AKAP17A: variants seen among roughly 807,000 people sequenced by gnomAD.
AKAP17A encodes the protein A-kinase anchor protein 17A.
A neutral mutation model predicts 52.2 loss-of-function variants in AKAP17A; 15 were observed. The ratio of observed to expected loss-of-function variants is 0.29; its 90% CI spans 0.19 to 0.44. The LOEUF is 0.44. Among genes scored for constraint, AKAP17A ranks in the 20% least tolerant of loss-of-function variants. AKAP17A has a pLI of 1.00. For missense variants in AKAP17A, 1,060 were observed against 1,007.0 expected (o/e 1.05, Z -0.71); for synonymous variants, 514 against 424.7 (o/e 1.21, Z -2.58).
Position 1,600,152 on chromosome X carries a change from C to T in AKAP17A, c.1153-507C>T, listed in dbSNP as rs1472248106. The T allele has an allele frequency of 1.2e-5, 15 of 1,303,008 alleles. No individual in the cohort carries two copies. In the East Asian group the frequency reaches 2.7e-4, roughly 23 times the overall value. 80.7% of individuals were successfully genotyped at this position (1,303,008 alleles called of 1,614,324 possible). On this transcript the variant is annotated intron_variant, in intron 4 of 4. Transcript: ENST00000313871. ...TCTGATTACAGTTGTGATAAGTCCC[C>T]GGGAAGGAGCATGACAAGAGGCTGA...
chrX:1,595,799 G>A (rs1238838956), intron 3 of AKAP17A, among the ~76,000 whole-genome samples: 2 of 152,122 alleles, frequency 1.3e-5, no homozygotes, highest in Admixed American at 1.3e-4. Context: ...GAGCTCGTGT[G>A]TGTACCTGTG....
In AKAP17A at chrX:1,602,486, A is replaced by G. The variant is rs1933443172; in HGVS notation, c.*892A>G. 6.6e-6 allele frequency: 1 copy of G among 152,202 alleles called. No individual in the cohort carries two copies. 9.4% of individuals were successfully genotyped at this position (152,202 alleles called of 1,614,324 possible). A position where few individuals can be genotyped will look rare whatever the true frequency, so the allele number is the denominator to read the frequency against. On this transcript the variant is annotated 3_prime_UTR_variant, in exon 5 of 5. Transcript: ENST00000313871. Reference sequence around the variant, plus strand: ...GGTGTTTATTCCAGTTTGCATTTTTATGGTGAAATAAAATCCTTTTCCAAT... The same window carrying G: ...GGTGTTTATTCCAGTTTGCATTTTTGTGGTGAAATAAAATCCTTTTCCAAT...
At chrX:1,596,501 C>T (rs1932991236) in intron 3 of AKAP17A, among the ~76,000 whole-genome samples, 1 of 136,806 alleles carries the variant, frequency 7.3e-6, no homozygotes, top group African/African-American at 2.9e-5. Context: ...TCCTCCATCC[C>T]TCCCACCCTC....
chrX:1,601,960 T>A lies in AKAP17A; in HGVS notation c.*366T>A. The A allele has an allele frequency of 1.3e-5, 3 of 232,540 alleles. No homozygotes were observed. The highest frequency in any genetic ancestry group is 2.5e-5 in the Non-Finnish European group (3 of 120,088). The allele number at this position is 232,540 out of a possible 1,614,324, so 14.4% of individuals were successfully genotyped here. ...TTCTGTGTCTGCTTGGCGACCTCCC[T>A]GCGTGCACGGCCTAGGAGGTGCACG... On this transcript the variant is annotated 3_prime_UTR_variant, in exon 5 of 5. Coordinates refer to ENST00000313871, the MANE Select transcript of AKAP17A (RefSeq NM_005088.3).
chrX:1,599,329 A>G lies in AKAP17A; in HGVS notation c.1049A>G (p.Lys350Arg). 6.2e-7 allele frequency: 1 copy of G among 1,604,780 alleles called. No homozygotes were observed. The highest frequency in any genetic ancestry group is 8.5e-7 in the Non-Finnish European group (1 of 1,176,404). The change falls in exon 4 of 5, where the codon AAG becomes AGG. Residue 350 changes from lysine (K) to arginine (R), a missense_variant. Physicochemically the swap from Lys to Arg is conservative, Grantham distance 26. Around this residue, in one of 2 missense-constraint regions of AKAP17A, gnomAD observed 793 missense variants for 629.9 expected, o/e 1.26. Transcript: ENST00000313871. ...GAGAAGCTGCAGGCGGAGGAGCAGA[A>G]GCAGCTGCAGGAGAAGATCAAGCTG... ...KLEKLQAEEQ[K>R]QLQEKIKLEE...
chrX:1,601,498 G>A lies in AKAP17A; in HGVS notation c.1992G>A (p.Arg664=). The change falls in exon 5 of 5, where the codon AGG becomes AGA. Residue 664 remains arginine, a synonymous_variant. Transcript: ENST00000313871. The part of the protein sequence containing the change: ...RHRRERSRER[R]GSASRKHSRH... Reference sequence around the variant, plus strand: ...GGAGGGAGCGGAGCCGGGAGCGGAGGGGCAGCGCCAGCAGGAAGCACAGCC... The same window carrying A: ...GGAGGGAGCGGAGCCGGGAGCGGAGAGGCAGCGCCAGCAGGAAGCACAGCC... The A allele has an allele frequency of 6.5e-7, 1 of 1,538,200 alleles. No homozygotes were observed. The highest frequency in any genetic ancestry group is 2.3e-5 in the East Asian group (1 of 43,584).
intron 4 of AKAP17A, chrX:1,599,954 A>G: frequency 2.1e-6 from 1 of 477,850 alleles, no homozygotes. Flanking sequence ...CCCCCTCAGC[A>G]CCAAGAGCCT....
intron 3 of AKAP17A, among the ~76,000 whole-genome samples, chrX:1,597,425 C>G (rs1185699060): frequency 6.6e-6 from 1 of 152,138 alleles, no homozygotes; most frequent in African/African-American, 2.4e-5. Flanking sequence ...GAGGGACATG[C>G]TGCTGCGTCG....
chrX:1,593,011 G>A (rs148452305), intron 1 of AKAP17A, among the ~76,000 whole-genome samples: 2,095 of 152,236 alleles, frequency 0.014, 52 homozygotes, highest in African/African-American at 0.048. Flanking sequence ...GATGCCTGCA[G>A]CTGTGCTCTC....
chrX:1,600,787 G>A lies in AKAP17A; in HGVS notation c.1281G>A (p.Leu427=), dbSNP rs1933320636. The A allele has an allele frequency of 1.3e-6, 2 of 1,583,222 alleles. No homozygotes were observed. The highest frequency in any genetic ancestry group is 1.7e-6 in the Non-Finnish European group (2 of 1,169,538). The change falls in exon 5 of 5, where the codon CTG becomes CTA. Residue 427 remains leucine (L), a synonymous_variant. Coordinates refer to ENST00000313871, the MANE Select transcript of AKAP17A (RefSeq NM_005088.3). Reference sequence around the variant, plus strand: ...AGGAGAAGGAGCGCGCGCTGGGCCTGCAGCGGAAAGAGCGGGAGCTGCGCG... The same window carrying A: ...AGGAGAAGGAGCGCGCGCTGGGCCTACAGCGGAAAGAGCGGGAGCTGCGCG... ...VEEEKERALG[L]QRKERELRER...
rs1298110241 is a variant in AKAP17A at position 1,599,283 on chromosome X, C to T, written c.1003C>T (p.Arg335Cys). 16 of 1,611,848 alleles carry T rather than the reference C, an allele frequency of 9.9e-6. No homozygotes were observed. The highest frequency in any genetic ancestry group is 4.0e-4 in the Middle Eastern group (2 of 5,046). Reference sequence around the variant, plus strand: ...GCAGAAGCAGAGGGACCGTGAGCTGCGCCGGAATCAGAAGAAGCTGGAGAA... The same window carrying T: ...GCAGAAGCAGAGGGACCGTGAGCTGTGCCGGAATCAGAAGAAGCTGGAGAA... Reference protein sequence around the residue: ...REQKQRDRELRRNQKKLEKLQ... With the variant: ...REQKQRDRELCRNQKKLEKLQ... Residue 335 changes from arginine to cysteine, a missense_variant, in exon 4 of 5, where the codon CGC becomes TGC. Arg to Cys is a radical substitution (Grantham distance 180). Transcript: ENST00000313871.
rs754913132 is a variant in AKAP17A, at chrX:1,600,761, G to A, written c.1255G>A (p.Glu419Lys). The A allele has an allele frequency of 4.5e-6, 7 of 1,564,648 alleles. No individual in the cohort carries two copies. In the Admixed American group the frequency reaches 1.3e-4, roughly 30 times the overall value. Residue 419 changes from glutamate to lysine, a missense_variant, in exon 5 of 5, where the codon GAG becomes AAG. Physicochemically the swap from Glu to Lys is moderately conservative, Grantham distance 56. Coordinates refer to ENST00000313871, the MANE Select transcript of AKAP17A (RefSeq NM_005088.3). ...GGAGGCCGAGCTGCGGCGCGTGGAG[G>A]AGGAGAAGGAGCGCGCGCTGGGCCT... is the stretch of plus-strand genomic sequence containing the variant. Reference protein sequence around the residue: ...LQEAELRRVEEEKERALGLQR... With the variant: ...LQEAELRRVEKEKERALGLQR...
chrX:1,594,068 C>T lies in AKAP17A; in HGVS notation c.606C>T (p.Arg202=), dbSNP rs764157682. 2 of 1,613,512 alleles carry T rather than the reference C, an allele frequency of 1.2e-6. No homozygotes were observed. Among genetic ancestry groups the T allele is most frequent in the South Asian group, 2.2e-5 (2 of 91,000 alleles). The change falls in exon 2 of 5, where the codon CGC becomes CGT. Residue 202 remains arginine, a synonymous_variant. Coordinates refer to ENST00000313871, the MANE Select transcript of AKAP17A (RefSeq NM_005088.3). The part of the protein sequence containing the change: ...LDPYREEMTG[R]NFHTFSFGGH... Reference sequence around the variant, plus strand: ...CCTACCGGGAGGAGATGACGGGCCGCAACTTCCACACCTTCAGTTTCGGGG... The same window carrying T: ...CCTACCGGGAGGAGATGACGGGCCGTAACTTCCACACCTTCAGTTTCGGGG...
intron 4 of AKAP17A, chrX:1,600,416 C>A: frequency 1.6e-6 from 1 of 631,558 alleles, no homozygotes; most frequent in Non-Finnish European, 2.7e-6. Context: ...GCCGCTTTGC[C>A]AAGGGGTTTC....
At position 1,601,167 on chromosome X, in the gene AKAP17A, A is replaced by T; in HGVS notation, c.1661A>T (p.Asn554Ile). The T allele has an allele frequency of 6.2e-7, 1 of 1,613,852 alleles. No individual in the cohort carries two copies. The highest frequency in any genetic ancestry group is 8.5e-7 in the Non-Finnish European group (1 of 1,179,764). ...GTCCTCTCCTGCATTCCTGACAACA[A>T]CCAACAGCCCAAGGGCATCCCTGCC... ...GGVLSCIPDN[N>I]QQPKGIPACE... Residue 554 changes from asparagine (N) to isoleucine (I), a missense_variant, in exon 5 of 5, where the codon AAC (asparagine) becomes ATC (isoleucine). By Grantham distance (149) the Asn-to-Ile change is moderately radical (BLOSUM62 -3). Coordinates refer to ENST00000313871, the MANE Select transcript of AKAP17A (RefSeq NM_005088.3).
rs1466924927 is a variant in AKAP17A, at chrX:1,601,548, C to T, written c.2042C>T (p.Ser681Leu). ...CGCCACCGCCGCCGAAGCGAGCGGT[C>T]GCGCTCCCGGTCCCCGAGCAGGCAC... is the stretch of plus-strand genomic sequence containing the variant. Reference protein sequence around the residue: ...HSRHRRRSERSRSRSPSRHRS... With the variant: ...HSRHRRRSERLRSRSPSRHRS... The change falls in exon 5 of 5, where the codon TCG becomes TTG. Residue 681 changes from serine to leucine, a missense_variant. Ser to Leu is a moderately radical substitution (Grantham distance 145, BLOSUM62 -2). Around this residue, in one of 2 missense-constraint regions of AKAP17A, gnomAD observed 793 missense variants for 629.9 expected, o/e 1.26. Coordinates refer to ENST00000313871, the MANE Select transcript of AKAP17A (RefSeq NM_005088.3). 3.5e-5 allele frequency: 51 copies of T among 1,470,092 alleles called. 1 individual carries two copies. The highest frequency in any genetic ancestry group is 4.0e-5 in the Non-Finnish European group (45 of 1,120,254). 91.1% of individuals were successfully genotyped at this position (1,470,092 alleles called of 1,614,324 possible).
At chrX:1,592,692 T>C (rs1932859501) in intron 1 of AKAP17A, among the ~76,000 whole-genome samples, 1 of 151,844 alleles carries the variant, frequency 6.6e-6, no homozygotes. Context: ...CCTGAGATGG[T>C]TGGGTTTCTG....
At chrX:1,596,127 G>A (rs1284309803) in intron 3 of AKAP17A, among the ~76,000 whole-genome samples, 2 of 151,320 alleles carry the variant, frequency 1.3e-5, no homozygotes, top group African/African-American at 2.4e-5. Context: ...CACACCTCCC[G>A]CTGAAACAAG....
chrX:1,600,079 G>T, intron 4 of AKAP17A: 1 of 1,071,232 alleles, frequency 9.3e-7, no homozygotes, highest in Non-Finnish European at 1.3e-6. Context: ...TCCTCAGGAG[G>T]GCTGCGTCCC....
Sources: gnomAD v4.1 joint callset for allele counts (sites outside exome capture counted in the v4.1 genomes callset) on GRCh38, gnomAD v4.1.1 for gene constraint, gnomAD v4.1.1 regional missense constraint, MANE v1.5 for transcripts, NCBI Gene and HGNC (gene_info 2026-07-23, HGNC 2026-07-21) for gene names.